Variants in ARFGEF1 observed in about 807,000 individuals in gnomAD.
ARFGEF1 encodes ARF guanine nucleotide exchange factor 1.
Under a neutral mutation model 231.0 loss-of-function variants are expected in ARFGEF1, and 42 were observed. The observed-to-expected ratio is 0.18, with a 90% CI of 0.14 to 0.24. The LOEUF (loss-of-function observed/expected upper bound fraction) is 0.24, where lower values mean the gene tolerates loss of function less well. Ranked by LOEUF, ARFGEF1 falls within the 10% of genes least tolerant of loss-of-function variation. The pLI is 1.00. For synonymous variants in ARFGEF1, 710 were observed against 732.3 expected (o/e 0.97, Z 0.49); for missense variants, 1,345 against 2,192.0 (o/e 0.61, Z 7.72).
chr8:67,299,076 G>A, intron 4 of ARFGEF1, 133 bp downstream of exon 4: 3 of 884,408 alleles, frequency 3.4e-6, no homozygotes, highest in Non-Finnish European at 4.8e-6. Flanking sequence ...GAGCCACTGA[G>A]CCCGGCCTCG....
rs1457573183 is a variant in ARFGEF1 at position 67,208,458 on chromosome 8, C to T, written c.4819+3025G>A. On this transcript the variant is annotated intron_variant, in intron 34 of 38. Transcript: ENST00000262215. ...GAGCCTGGCCAACATGGCGAAACCC[C>T]ATCTCTACTAAAAATCCAAAAATTA... Among the ~76,000 whole-genome samples the T allele has an allele frequency of 7.2e-5, 11 of 151,932 alleles. No homozygotes were observed. The East Asian group carries it at 2.1e-3, about 29-fold the overall frequency.
chr8:67,302,906 TAAAAAAAA>T (rs139020447), intron 1 of ARFGEF1, among the ~76,000 whole-genome samples: 1 of 102,044 alleles, frequency 9.8e-6, no homozygotes, highest in Non-Finnish European at 1.9e-5. Context: ...CCCCATCTCT[TAAAAAAAA>T]AAAAAAAAAA....
intron 5 of ARFGEF1, among the ~76,000 whole-genome samples, chr8:67,183,461 A>G: frequency 6.6e-6 from 1 of 152,222 alleles, no homozygotes; most frequent in East Asian, 1.9e-4. Flanking sequence ...CCCAGACCAC[A>G]ATGGAAATAA....
At chr8:67,247,812 C>A (rs760157600) in intron 19 of ARFGEF1, among the ~76,000 whole-genome samples, 1 of 150,312 alleles carries the variant, frequency 6.7e-6, no homozygotes. Flanking sequence ...TTTGGAAAAG[C>A]CTGAACGCTC....
At chr8:67,279,030 A>C (rs1805426982) in intron 7 of ARFGEF1, among the ~76,000 whole-genome samples, 1 of 152,146 alleles carries the variant, frequency 6.6e-6, no homozygotes, top group African/African-American at 2.4e-5. Context: ...CTGGCAGGCC[A>C]AGGTGGGAGG....
chr8:67,319,701 G>A (rs939558614), intron 1 of ARFGEF1, among the ~76,000 whole-genome samples: 23 of 152,066 alleles, frequency 1.5e-4, no homozygotes, highest in African/African-American at 4.8e-4. Context: ...AAATAAAATG[G>A]ATTTATCAAG....
rs1250229843 is a variant in ARFGEF1 at position 67,203,871 on chromosome 8, T to TC, written c.4960-621dup. Among the ~76,000 whole-genome samples, 5 of 151,856 alleles carry TC rather than the reference T, an allele frequency of 3.3e-5. No individual in the cohort carries two copies. In the East Asian group the frequency reaches 9.7e-4, roughly 29 times the overall value. On this transcript the variant is annotated intron_variant, in intron 35 of 38. Transcript: ENST00000262215. ...CCAGACTTCCTGCATCCACAACCCA[T>TC]CCCCCAGCCCTCCCCCTGCCGCCAC... is the stretch of plus-strand genomic sequence containing the variant.
At position 67,277,376 on chromosome 8, in the gene ARFGEF1, A is replaced by G. The variant is rs1283598200; in HGVS notation, c.1109T>C (p.Ile370Thr). Residue 370 changes from isoleucine to threonine, a missense_variant, in exon 8 of 39, where the codon ATT (isoleucine) becomes ACT (threonine). Ile to Thr is a moderately conservative substitution (Grantham distance 89). This residue lies in a region of ARFGEF1 where 398 missense variants were observed against 463.2 expected (regional missense o/e 0.86). Coordinates refer to ENST00000262215, the MANE Select transcript of ARFGEF1 (RefSeq NM_006421.5). ...TGTTCCTGGAATTCCATTTGCTTGA[A>G]TATTTTCACTGTCACTACCATCCTC... ...TIEDGSDSEN[I>T]QANGIPGTPI... is the part of the protein sequence containing the mutation. 2 of 1,613,876 alleles carry G rather than the reference A, an allele frequency of 1.2e-6. No individual in the cohort carries two copies. The highest frequency in any genetic ancestry group is 1.7e-6 in the Non-Finnish European group (2 of 1,179,862).
chr8:67,238,302 G>A lies in ARFGEF1; in HGVS notation c.3289+41C>T, dbSNP rs1839830982. 14 of 1,540,860 alleles carry A rather than the reference G, an allele frequency of 9.1e-6. 1 individual carries two copies. Among genetic ancestry groups the A allele is most frequent in the South Asian group, 2.5e-5 (2 of 80,336 alleles). On this transcript the variant is annotated intron_variant, in intron 22 of 38. Coordinates refer to ENST00000262215, the MANE Select transcript of ARFGEF1 (RefSeq NM_006421.5). ...CTACAATAAAGTGACTTATAATGAG[G>A]AAGTTAAAAACAATTTTTGATACTT...
In ARFGEF1 at chr8:67,326,527, T is replaced by C. The variant is rs1587325424; in HGVS notation, c.124+16637A>G. On this transcript the variant is annotated intron_variant, in intron 1 of 38. Coordinates refer to ENST00000262215, the MANE Select transcript of ARFGEF1 (RefSeq NM_006421.5). ...CCTTACACACCTTTCTTAACTTAGGTTTCTTTTTTGTGATGAAGCTAAGGC... is the reference window on the plus strand; with the variant it reads ...CCTTACACACCTTTCTTAACTTAGGCTTCTTTTTTGTGATGAAGCTAAGGC... Among the ~76,000 whole-genome samples the C allele has an allele frequency of 1.3e-5, 2 of 152,154 alleles. 1 individual carries two copies. Among genetic ancestry groups the C allele is most frequent in the Admixed American group, 1.3e-4 (2 of 15,306 alleles).
intron 5 of ARFGEF1, among the ~76,000 whole-genome samples, chr8:67,189,769 A>G (rs951028207): frequency 6.6e-6 from 1 of 152,122 alleles, no homozygotes; most frequent in South Asian, 2.1e-4. Context: ...CATCCCCCCA[A>G]ATATATATAG....
intron 19 of ARFGEF1, 86 bp downstream of exon 19, chr8:67,251,213 T>C: frequency 7.9e-7 from 1 of 1,262,800 alleles, no homozygotes; most frequent in Non-Finnish European, 1.1e-6. Flanking sequence ...GTTATATCAC[T>C]GTATCGCTTC....
chr8:67,307,204 A>C (rs1806788238), intron 1 of ARFGEF1, among the ~76,000 whole-genome samples: 1 of 152,246 alleles, frequency 6.6e-6, no homozygotes. Flanking sequence ...AAAAATACTT[A>C]TGGAATTCAT....
downstream of ARFGEF1, among the ~76,000 whole-genome samples, chr8:67,196,426 A>C (rs1323448184): frequency 2.0e-5 from 3 of 152,160 alleles, no homozygotes; most frequent in African/African-American, 7.2e-5. Context: ...AGTAAGTGAT[A>C]CTTCTAAAAA....
chr8:67,230,571 G>A (rs1369926488), intron 23 of ARFGEF1, among the ~76,000 whole-genome samples: 1 of 151,942 alleles, frequency 6.6e-6, no homozygotes, highest in Non-Finnish European at 1.5e-5. Context: ...AAAGGAAGTT[G>A]GGATAAGCTG....
rs369645577 is a variant in ARFGEF1 at position 67,340,390 on chromosome 8, G to A, written c.124+2774C>T. 5.3e-5 allele frequency among the ~76,000 whole-genome samples: 8 copies of A among 152,264 alleles called. 1 individual carries two copies. In the East Asian group the frequency reaches 1.5e-3, roughly 29 times the overall value. On this transcript the variant is annotated intron_variant, in intron 1 of 38. Transcript: ENST00000262215. ...TATAGAACCGAGAGGACTAAATCAG[G>A]CCTTTTCAGTTTGCTTTCCCATCCT...
Position 67,227,272 on chromosome 8 carries a change from C to T in ARFGEF1, c.3781G>A (p.Ala1261Thr). The change falls in exon 27 of 39, where the codon GCA becomes ACA. Residue 1261 changes from alanine to threonine, a missense_variant. This residue lies in a region of ARFGEF1 where 142 missense variants were observed against 227.3 expected (regional missense o/e 0.62). Transcript: ENST00000262215. ...GCAGCTTGAGAATTAACCATCTGTG[C>T]TATACACCGTACAACCATATCTCGA... is the stretch of plus-strand genomic sequence containing the variant. ...TIRDMVVRCIAQMVNSQAANI... is the reference protein window; with the variant it reads ...TIRDMVVRCITQMVNSQAANI... 1 of 1,613,028 alleles carries T rather than the reference C, an allele frequency of 6.2e-7. No homozygotes were observed.
At chr8:67,284,991 T>C (rs1355998375) in intron 7 of ARFGEF1, among the ~76,000 whole-genome samples, 1 of 151,758 alleles carries the variant, frequency 6.6e-6, no homozygotes, top group Non-Finnish European at 1.5e-5. Context: ...GGGTGTTAGC[T>C]TGAACGGATT....
At chr8:67,199,323 G>T in intron 38 of ARFGEF1, 1 of 431,818 alleles carries the variant, frequency 2.3e-6, no homozygotes, top group African/African-American at 2.1e-5. Context: ...ACATTTGTCT[G>T]TATATCTTTG....
Sources: allele counts gnomAD v4.1 joint callset (sites outside exome capture counted in the v4.1 genomes callset), GRCh38; gene constraint gnomAD v4.1.1; regional missense constraint gnomAD v4.1.1; transcripts MANE v1.5; gene names NCBI Gene and HGNC (gene_info 2026-07-23, HGNC 2026-07-21).